Variants in RAPGEF3 observed in about 807,000 individuals in gnomAD.
RAPGEF3 encodes Rap guanine nucleotide exchange factor 3, also known as 9330170P05Rik.
A neutral mutation model predicts 129.8 loss-of-function variants in RAPGEF3; 103 were observed. That is an observed-to-expected ratio of 0.79 (90% confidence interval 0.68 to 0.93). The LOEUF (loss-of-function observed/expected upper bound fraction) is 0.93, where lower values mean the gene tolerates loss of function less well. Ranked by LOEUF, RAPGEF3 falls within the 40% of genes least tolerant of loss-of-function variation. The probability of loss-of-function intolerance (pLI) is 0.00; values close to 1 mark genes in which losing one functional copy is unlikely to be tolerated. For synonymous variants in RAPGEF3, 436 were observed against 482.6 expected (o/e 0.90, Z 1.26); for missense variants, 1,117 against 1,207.4 (o/e 0.93, Z 1.11).
Position 47,758,695 on chromosome 12 carries a change from A to G in RAPGEF3, c.-139T>C, listed in dbSNP as rs1942254738. 7.0e-7 allele frequency: 1 copy of G among 1,428,910 alleles called. No homozygotes were observed. Among genetic ancestry groups the G allele is most frequent in the African/African-American group, 1.4e-5 (1 of 69,492 alleles). 88.5% of individuals were successfully genotyped at this position (1,428,910 alleles called of 1,614,324 possible). A position where few individuals can be genotyped will look rare whatever the true frequency, so the allele number is the denominator to read the frequency against. ...GGTACAGTGAACTGGGCCAGTGCCT[A>G]GCTGGACTGGCTGCCAGGGCAGCAG... On this transcript the variant is annotated 5_prime_UTR_variant, in exon 1 of 28. Transcript: ENST00000449771.
chr12:47,739,375 G>T (rs959043033), intron 23 of RAPGEF3, 145 bp from the exon 24 acceptor site: 3 of 734,380 alleles, frequency 4.1e-6, no homozygotes, highest in Non-Finnish European at 5.0e-6. Flanking sequence ...TCTCACCCAG[G>T]CTCTGTCACA....
At chr12:47,743,014 C>T (rs1941245526) in intron 18 of RAPGEF3, among the ~76,000 whole-genome samples, 1 of 152,224 alleles carries the variant, frequency 6.6e-6, no homozygotes, top group Non-Finnish European at 1.5e-5. Flanking sequence ...AGCTCATGCC[C>T]TTTGAGCTTC....
At chr12:47,751,673 G>A (rs4141223) in intron 4 of RAPGEF3, 50 bp downstream of exon 4, 91,194 of 1,604,110 alleles carry the variant, frequency 0.057, 3,721 homozygotes, top group South Asian at 0.18. Context: ...AAAGTGGAAC[G>A]GAGAGAAAGC....
At chr12:47,752,670 G>A (rs1241599917) in intron 2 of RAPGEF3, 2 of 153,422 alleles carry the variant, frequency 1.3e-5, no homozygotes, top group Non-Finnish European at 2.9e-5. Flanking sequence ...AGAATTAAAT[G>A]AGTTGCTACA....
Position 47,749,216 on chromosome 12 carries a change from G to A in RAPGEF3, c.1041+174C>T. The A allele has an allele frequency of 1.3e-6, 1 of 792,266 alleles. No individual in the cohort carries two copies. Among genetic ancestry groups the A allele is most frequent in the Non-Finnish European group, 2.1e-6 (1 of 486,790 alleles). The allele number at this position is 792,266 out of a possible 1,614,324, so 49.1% of individuals were successfully genotyped here. On this transcript the variant is annotated intron_variant, in intron 10 of 27. Transcript: ENST00000449771. The surrounding 1 kb of genome is among the most constrained non-coding windows in gnomAD (Gnocchi z 4.5). ...TCACTGAACTCCTTCTGTGCCTTAT[G>A]GGCTTCACCTTCTCACACACACCCA...
In RAPGEF3 at chr12:47,758,696, G is replaced by A; in HGVS notation, c.-140C>T. The stretch of plus-strand genomic sequence containing the variant: ...GTACAGTGAACTGGGCCAGTGCCTA[G>A]CTGGACTGGCTGCCAGGGCAGCAGG... On this transcript the variant is annotated 5_prime_UTR_variant, in exon 1 of 28. Coordinates refer to ENST00000449771, the MANE Select transcript of RAPGEF3 (RefSeq NM_001098531.4). The A allele has an allele frequency of 6.9e-7, 1 of 1,439,214 alleles. No individual in the cohort carries two copies. The highest frequency in any genetic ancestry group is 9.2e-7 in the Non-Finnish European group (1 of 1,090,618). The allele number at this position is 1,439,214 out of a possible 1,614,324, so 89.2% of individuals were successfully genotyped here.
At chr12:47,755,211 C>T (rs994034253) in intron 2 of RAPGEF3, among the ~76,000 whole-genome samples, 6 of 152,144 alleles carry the variant, frequency 3.9e-5, no homozygotes, top group South Asian at 4.1e-4. Flanking sequence ...TTAGCAGCTG[C>T]GTAACTCTGA....
intron 24 of RAPGEF3, 152 bp from the exon 25 acceptor site, chr12:47,738,906 A>G: frequency 1.3e-6 from 1 of 780,596 alleles, no homozygotes; most frequent in South Asian, 1.6e-5. Flanking sequence ...ATTTCCTTGT[A>G]TCTCTTAGGC....
chr12:47,743,470 A>G (rs1941266504), intron 18 of RAPGEF3, 60 bp downstream of exon 18: 1 of 1,549,896 alleles, frequency 6.5e-7, no homozygotes, highest in Non-Finnish European at 8.8e-7. Flanking sequence ...TGACTGGGGG[A>G]CCTGGGCGCA....
Position 47,748,121 on chromosome 12 carries a change from G to T in RAPGEF3, c.1275C>A (p.His425Gln). Residue 425 changes from histidine to glutamine, a missense_variant, in exon 13 of 28, where the codon CAC becomes CAA. Around this residue, in one of 3 missense-constraint regions of RAPGEF3, gnomAD observed 643 missense variants for 673.4 expected, o/e 0.95. Transcript: ENST00000449771. ...GTTGGGCGCTGGGCATGAAGACCCT[G>T]TGGGTCAGGAGGAAGTCGCTGAGGA... ...ETFLSDFLLT[H>Q]RVFMPSAQLC... 1.3e-6 allele frequency: 2 copies of T among 1,589,300 alleles called. No homozygotes were observed. Among genetic ancestry groups the T allele is most frequent in the Non-Finnish European group, 1.7e-6 (2 of 1,167,578 alleles).
At chr12:47,742,319 G>C (rs933810235) in intron 18 of RAPGEF3, 1 of 152,148 alleles carries the variant, frequency 6.6e-6, no homozygotes, top group African/African-American at 2.4e-5. Flanking sequence ...CAAGTGCTTC[G>C]GAGATCAGTG....
chr12:47,751,187 C>T lies in RAPGEF3; in HGVS notation c.532G>A (p.Asp178Asn). Residue 178 changes from aspartate to asparagine, a missense_variant, in exon 6 of 28, where the codon GAT becomes AAT. Asp to Asn is a conservative substitution (Grantham distance 23). Around this residue, in one of 3 missense-constraint regions of RAPGEF3, gnomAD observed 367 missense variants for 373.4 expected, o/e 0.98. Coordinates refer to ENST00000449771, the MANE Select transcript of RAPGEF3 (RefSeq NM_001098531.4). ...VKHDWAFQDR[D>N]AQFYRFPGPE... The stretch of plus-strand genomic sequence containing the variant: ...CCGGGGAACCGGTAGAATTGGGCAT[C>T]TCGGTCCTGGAAGGCCCAGTCGTGT... The T allele has an allele frequency of 2.6e-6, 4 of 1,553,180 alleles. No homozygotes were observed. Among genetic ancestry groups the T allele is most frequent in the Non-Finnish European group, 3.5e-6 (4 of 1,148,122 alleles).
At position 47,749,684 on chromosome 12, in the gene RAPGEF3, T is replaced by C. The variant is rs1041501940; in HGVS notation, c.894+57A>G. ...AACAAAGGCACTGCCCATGAGGACA[T>C]GGACCAGGGAGCAGTTAGGACCCAG... On this transcript the variant is annotated intron_variant, in intron 9 of 27. Coordinates refer to ENST00000449771, the MANE Select transcript of RAPGEF3 (RefSeq NM_001098531.4). The surrounding 1 kb of genome is among the most constrained non-coding windows in gnomAD (Gnocchi z 4.5). 2 of 1,607,420 alleles carry C rather than the reference T, an allele frequency of 1.2e-6. No individual in the cohort carries two copies. The highest frequency in any genetic ancestry group is 1.7e-6 in the Non-Finnish European group (2 of 1,175,154).
At chr12:47,751,685 G>A in intron 4 of RAPGEF3, 38 bp downstream of exon 4, 1 of 1,607,218 alleles carries the variant, frequency 6.2e-7, no homozygotes. Context: ...AGAGAAAGCA[G>A]TGAGGCTGGG....
chr12:47,756,941 C>G (rs1476233469), intron 2 of RAPGEF3, among the ~76,000 whole-genome samples: 1 of 151,244 alleles, frequency 6.6e-6, no homozygotes, highest in Non-Finnish European at 1.5e-5. Context: ...TGCACTCCAG[C>G]CTGGTGACAG....
intron 3 of RAPGEF3, 39 bp from the exon 4 acceptor site, chr12:47,751,868 C>A (rs781655896): frequency 6.2e-7 from 1 of 1,613,992 alleles, no homozygotes; most frequent in African/African-American, 1.3e-5. Flanking sequence ...AGGCTCTGAA[C>A]CCCTCATGGT....
At chr12:47,739,054 T>G (rs1333013845) in intron 24 of RAPGEF3, 89 bp downstream of exon 24, 19 of 1,132,108 alleles carry the variant, frequency 1.7e-5, no homozygotes, top group Non-Finnish European at 1.9e-5. Context: ...CAGATAGGCA[T>G]GGGATGGGGG....
rs1386655177 is a variant in RAPGEF3 at position 47,747,606 on chromosome 12, GC to G, written c.1493del (p.Gly498AlafsTer10). On this transcript the variant is annotated frameshift_variant, in exon 15 of 28. Coordinates refer to ENST00000449771, the MANE Select transcript of RAPGEF3 (RefSeq NM_001098531.4). LOFTEE classifies it high-confidence loss of function. ...GCAGGTTGCTGAGTCGGGTGTCCCTGCCCACCAGGTCTGAGAGTTTCTAAGA... is the reference window on the plus strand; with the variant it reads ...GCAGGTTGCTGAGTCGGGTGTCCCTGCCACCAGGTCTGAGAGTTTCTAAGA... ...SFLQKLSDLV[G>X]RDTRLSNLLR... The G allele has an allele frequency of 3.7e-6, 6 of 1,614,104 alleles. No homozygotes were observed. Among genetic ancestry groups the G allele is most frequent in the Non-Finnish European group, 4.2e-6 (5 of 1,179,966 alleles).
In RAPGEF3 at chr12:47,740,714, G is replaced by A; in HGVS notation, c.2159C>T (p.Thr720Ile). Reference protein sequence around the residue: ...RFNELQYWVATELCLCPVPGP... With the variant: ...RFNELQYWVAIELCLCPVPGP... The stretch of plus-strand genomic sequence containing the variant: ...GGGCACGGGGCAGAGACACAGCTCG[G>A]TGGCCACCCAGTACTGCAGCTCATT... Residue 720 changes from threonine (T) to isoleucine (I), a missense_variant, in exon 21 of 28, where the codon ACC becomes ATC. Coordinates refer to ENST00000449771, the MANE Select transcript of RAPGEF3 (RefSeq NM_001098531.4). The A allele has an allele frequency of 6.2e-7, 1 of 1,613,978 alleles. No homozygotes were observed. Among genetic ancestry groups the A allele is most frequent in the Non-Finnish European group, 8.5e-7 (1 of 1,179,980 alleles).
Sources: gnomAD v4.1 joint callset for allele counts (sites outside exome capture counted in the v4.1 genomes callset) on GRCh38, gnomAD v4.1.1 for gene constraint, gnomAD v4.1.1 regional missense constraint, Gnocchi (gnomAD v3.1) non-coding constraint, MANE v1.5 for transcripts, NCBI Gene and HGNC (gene_info 2026-07-23, HGNC 2026-07-21) for gene names.